Variants in CCM2 observed in about 807,000 individuals in gnomAD.
CCM2 encodes CCM2 scaffold protein.
In CCM2, 25 loss-of-function variants were observed where a neutral mutation model predicts 44.9. The ratio of observed to expected loss-of-function variants is 0.56; its 90% CI spans 0.41 to 0.78. The LOEUF (loss-of-function observed/expected upper bound fraction) is 0.78, where lower values mean the gene tolerates loss of function less well. Among genes scored for constraint, CCM2 ranks in the 30% least tolerant of loss-of-function variants. The pLI, the probability that CCM2 is intolerant of heterozygous loss-of-function variation, is 0.00. For missense variants in CCM2, 481 were observed against 580.6 expected, an observed-to-expected ratio of 0.83 and a Z score of 1.76; for synonymous variants, 219 against 241.1, an observed-to-expected ratio of 0.91 and a Z score of 0.85.
rs759922902 is a variant in CCM2, at chr7:45,000,385, C to T, written c.30+22C>T. On this transcript the variant is annotated intron_variant, in intron 1 of 9. Transcript: ENST00000258781. ...GAAGGTGAGCGTGCGCGGGGGCGTCCTACTGCTGTGGTCGGCGGGCGGCTG... is the reference window on the plus strand; with the variant it reads ...GAAGGTGAGCGTGCGCGGGGGCGTCTTACTGCTGTGGTCGGCGGGCGGCTG... 4.4e-5 allele frequency: 55 copies of T among 1,261,862 alleles called. No homozygotes were observed. In the African/African-American group the frequency reaches 7.9e-4, roughly 18 times the overall value. The allele number at this position is 1,261,862 out of a possible 1,614,324, so 78.2% of individuals were successfully genotyped here. A position where few individuals can be genotyped will look rare whatever the true frequency, so the allele number is the denominator to read the frequency against.
intron 1 of CCM2, among the ~76,000 whole-genome samples, chr7:45,011,250 G>C (rs1796055586): frequency 6.6e-6 from 1 of 151,330 alleles, no homozygotes; most frequent in African/African-American, 2.4e-5. Context: ...AGGTTGGAGT[G>C]CAATGGTGCG....
At chr7:45,032,479 C>T (rs974111627) in intron 1 of CCM2, among the ~76,000 whole-genome samples, 3 of 152,210 alleles carry the variant, frequency 2.0e-5, no homozygotes, top group African/African-American at 7.2e-5. Context: ...GCTTTAAGAA[C>T]AGGGTGGCTG....
chr7:45,050,509 G>A (rs531003372), intron 2 of CCM2, among the ~76,000 whole-genome samples: 5 of 152,286 alleles, frequency 3.3e-5, no homozygotes, highest in South Asian at 2.1e-4. Context: ...AACTGTACCT[G>A]TTTCTCCACC....
At chr7:45,011,141 C>T (rs1796049354) in intron 1 of CCM2, among the ~76,000 whole-genome samples, 1 of 152,098 alleles carries the variant, frequency 6.6e-6, no homozygotes, top group Non-Finnish European at 1.5e-5. Flanking sequence ...CTGCAGTTCT[C>T]ATGCCTCAAC....
chr7:45,021,557 C>T (rs1451414306), intron 1 of CCM2, among the ~76,000 whole-genome samples: 2 of 147,142 alleles, frequency 1.4e-5, no homozygotes, highest in African/African-American at 5.2e-5. Context: ...GAGCGAGGCT[C>T]TTTCTCAAAA....
At chr7:45,017,597 G>T (rs1796316729) in intron 1 of CCM2, among the ~76,000 whole-genome samples, 1 of 152,232 alleles carries the variant, frequency 6.6e-6, no homozygotes, top group Non-Finnish European at 1.5e-5. Context: ...ACCTGGCACG[G>T]TCGTAGGTCT....
chr7:45,053,818 G>A (rs547618495), intron 2 of CCM2, among the ~76,000 whole-genome samples: 70 of 152,266 alleles, frequency 4.6e-4, no homozygotes, highest in African/African-American at 1.4e-3. Flanking sequence ...CATGGGCCAC[G>A]GGTGGGCTTT....
At chr7:45,037,672 C>T (rs959185024) in intron 1 of CCM2, among the ~76,000 whole-genome samples, 1 of 152,176 alleles carries the variant, frequency 6.6e-6, no homozygotes, top group Non-Finnish European at 1.5e-5. Flanking sequence ...CCCGCCTCAG[C>T]CTCCCAAAGT....
chr7:45,009,491 G>A (rs985936284), intron 1 of CCM2, among the ~76,000 whole-genome samples: 6 of 132,400 alleles, frequency 4.5e-5, no homozygotes, highest in Admixed American at 9.0e-5. Flanking sequence ...TGCAACCTCC[G>A]CCTCCTTTGT....
At chr7:45,046,919 A>G (rs1797783559) in intron 2 of CCM2, among the ~76,000 whole-genome samples, 2 of 152,232 alleles carry the variant, frequency 1.3e-5, no homozygotes, top group South Asian at 4.1e-4. Flanking sequence ...AAAAGACAGG[A>G]GGAGATACTT....
chr7:45,004,037 G>T (rs1219936705), intron 1 of CCM2, among the ~76,000 whole-genome samples: 1 of 152,102 alleles, frequency 6.6e-6, no homozygotes, highest in East Asian at 1.9e-4. Flanking sequence ...AAAATTAGCT[G>T]AGCATGGTGG....
intron 1 of CCM2, among the ~76,000 whole-genome samples, chr7:45,015,127 A>G (rs1220731390): frequency 1.3e-5 from 2 of 152,192 alleles, no homozygotes; most frequent in Non-Finnish European, 2.9e-5. Flanking sequence ...TTTAGTGGAA[A>G]TGGTATTTGG....
At chr7:45,002,696 G>A (rs1466210369) in intron 1 of CCM2, among the ~76,000 whole-genome samples, 1 of 152,112 alleles carries the variant, frequency 6.6e-6, no homozygotes, top group Non-Finnish European at 1.5e-5. Context: ...AGTCACCTCA[G>A]CACATGTGGT....
At chr7:45,018,646 T>G (rs1023912923) in intron 1 of CCM2, among the ~76,000 whole-genome samples, 1 of 151,976 alleles carries the variant, frequency 6.6e-6, no homozygotes, top group African/African-American at 2.4e-5. Context: ...ATGCCCAGCT[T>G]CTTTTGGCAT....
At chr7:45,040,409 G>A (rs1384698129) in intron 2 of CCM2, among the ~76,000 whole-genome samples, 2 of 151,168 alleles carry the variant, frequency 1.3e-5, no homozygotes, top group African/African-American at 4.9e-5. Flanking sequence ...GTCCCAGAAA[G>A]AATATTCAAA....
chr7:45,031,985 C>G (rs980596919), intron 1 of CCM2, among the ~76,000 whole-genome samples: 18 of 152,118 alleles, frequency 1.2e-4, no homozygotes, highest in Admixed American at 1.0e-3. Context: ...CCGGCTGTCC[C>G]TCCTACCACC....
intron 4 of CCM2, 116 bp from the exon 5 acceptor site, chr7:45,068,327 C>T (rs1435130162): frequency 1.5e-6 from 2 of 1,356,364 alleles, no homozygotes; most frequent in African/African-American, 1.4e-5. Context: ...TCTGTGGGTG[C>T]CTGAGCCAGG....
intron 1 of CCM2, among the ~76,000 whole-genome samples, chr7:45,008,311 ATGTGTGCCTC>A (rs997768878): frequency 1.3e-5 from 2 of 149,112 alleles, no homozygotes; most frequent in Admixed American, 6.7e-5. Flanking sequence ...GTCCTGACCA[ATGTGTGCCTC>A]TGTGTGCCAC....
At chr7:45,039,824 C>T (rs898179219) in intron 2 of CCM2, among the ~76,000 whole-genome samples, 4 of 151,176 alleles carry the variant, frequency 2.6e-5, no homozygotes, top group Admixed American at 1.3e-4. Flanking sequence ...GTCAGGAGTT[C>T]GAGAGCAGCC....
Sources: allele counts gnomAD v4.1 joint callset (sites outside exome capture counted in the v4.1 genomes callset), GRCh38; gene constraint gnomAD v4.1.1; transcripts MANE v1.5; gene names NCBI Gene and HGNC (gene_info 2026-07-23, HGNC 2026-07-21).